Variants in CEP295NL observed in about 807,000 individuals in gnomAD.
CEP295NL encodes protein DDC8 homolog.
CEP295NL carries 3 observed loss-of-function variants against 4.6 expected under a neutral mutation model. The observed-to-expected ratio is 0.65, with a 90% confidence interval of 0.30 to 1.69. CEP295NL has a LOEUF of 1.69. CEP295NL is among the 40% of genes most tolerant of loss of function. CEP295NL has a pLI of 0.10. For synonymous variants in CEP295NL, 295 were observed against 312.2 expected (o/e 0.94, Z 0.58); for missense variants, 719 against 769.0 (o/e 0.93, Z 0.77).
chr17:78,892,078 T>C lies in CEP295NL; in HGVS notation c.426A>G (p.Gly142=), dbSNP rs1175084593. The C allele has an allele frequency of 5.2e-6, 8 of 1,551,832 alleles. No homozygotes were observed. Among genetic ancestry groups the C allele is most frequent in the Non-Finnish European group, 7.0e-6 (8 of 1,147,872 alleles). Reference sequence around the variant, plus strand: ...CAGGCTCATTTTCCCTGGCCCGTCCTCCTCCCCAGCCCAACAGACGTGCTG... The same window carrying C: ...CAGGCTCATTTTCCCTGGCCCGTCCCCCTCCCCAGCCCAACAGACGTGCTG... ...LQSARLLGWG[G]GRARENEPDS... Residue 142 remains glycine, a synonymous_variant, in exon 3 of 3, where the codon GGA becomes GGG. Transcript: ENST00000322630.
intron 2 of CEP295NL, chr17:78,900,281 C>CA (rs1247039057): frequency 6.6e-6 from 1 of 152,196 alleles, no homozygotes; most frequent in Non-Finnish European, 1.5e-5. Flanking sequence ...CGCGGTGGCT[C>CA]ACGCCTGTAA....
rs1644656880 is a variant in CEP295NL, at chr17:78,890,974, C to T, written c.1530G>A (p.Glu510=). The T allele has an allele frequency of 6.4e-7, 1 of 1,551,084 alleles. No homozygotes were observed. The highest frequency in any genetic ancestry group is 1.4e-5 in the African/African-American group (1 of 73,034). The change falls in exon 3 of 3, where the codon GAG becomes GAA. Residue 510 remains glutamate (E), a synonymous_variant. Coordinates refer to ENST00000322630, the MANE Select transcript of CEP295NL (RefSeq NM_001243540.2). ...ATTCCAGTTGTTTTTGTCTTCTCTG[C>T]TCCATCTCTGCTTTCTGCCTTTGCC... ...ASRQRQKAEM[E]QRRQKQLESL...
At position 78,894,381 on chromosome 17, in the gene CEP295NL, C is replaced by T. The variant is rs1389490685; in HGVS notation, c.45-1922G>A. Among the ~76,000 whole-genome samples the T allele has an allele frequency of 3.3e-5, 5 of 152,074 alleles. No homozygotes were observed. In the East Asian group the frequency reaches 9.7e-4, roughly 29 times the overall value. The stretch of plus-strand genomic sequence containing the variant: ...TAAGTCTTCTAGTGGGAGGTCCTTG[C>T]ACCTCTTGGTAAATCAGATCACACA... On this transcript the variant is annotated intron_variant, in intron 2 of 2. Coordinates refer to ENST00000322630, the MANE Select transcript of CEP295NL (RefSeq NM_001243540.2).
At chr17:78,894,115 C>T (rs917119712) in intron 2 of CEP295NL, among the ~76,000 whole-genome samples, 10 of 152,172 alleles carry the variant, frequency 6.6e-5, no homozygotes, top group Admixed American at 2.0e-4. Flanking sequence ...TAACATTAAC[C>T]GTGCAGGCTC....
Position 78,891,579 on chromosome 17 carries a change from C to G in CEP295NL, c.925G>C (p.Gly309Arg). 6.4e-7 allele frequency: 1 copy of G among 1,550,860 alleles called. No homozygotes were observed. Among genetic ancestry groups the G allele is most frequent in the Non-Finnish European group, 8.7e-7 (1 of 1,147,052 alleles). The change falls in exon 3 of 3, where the codon GGG (glycine) becomes CGG (arginine). Residue 309 changes from glycine to arginine, a missense_variant. Gly to Arg is a moderately radical substitution (Grantham distance 125). Coordinates refer to ENST00000322630, the MANE Select transcript of CEP295NL (RefSeq NM_001243540.2). This position sits in a 1 kb window ranked among gnomAD's most constrained non-coding sequence, Gnocchi z 4.5. ...CTGGAATCAGCTGGCCACAGCTGCC[C>G]GAGGTCTCTCAGCTTCCCCTCCAGA... The part of the protein sequence containing the change: ...QSLEGKLRDL[G>R]QLWPADSSCR...
chr17:78,891,255 C>T lies in CEP295NL; in HGVS notation c.1249G>A (p.Ala417Thr). 3.2e-6 allele frequency: 5 copies of T among 1,550,660 alleles called. No individual in the cohort carries two copies. Among genetic ancestry groups the T allele is most frequent in the East Asian group, 2.4e-5 (1 of 40,930 alleles). The change falls in exon 3 of 3, where the codon GCA becomes ACA. Residue 417 changes from alanine (A) to threonine (T), a missense_variant. By Grantham distance (58) the Ala-to-Thr change is moderately conservative. Transcript: ENST00000322630. This position sits in a 1 kb window ranked among gnomAD's most constrained non-coding sequence, Gnocchi z 4.5. ...RSPAEEEAQQ[A>T]ASKTDLKTFM... ...GTTTTCAAGTCGGTCTTGGACGCTG[C>T]CTGCTGCGCCTCCTCCTCTGCTGGG... is the stretch of plus-strand genomic sequence containing the variant.
chr17:78,890,834 G>A lies in CEP295NL; in HGVS notation c.1670C>T (p.Ser557Phe), dbSNP rs1281392600. 3 of 1,550,642 alleles carry A rather than the reference G, an allele frequency of 1.9e-6. No homozygotes were observed. The South Asian group carries it at 3.6e-5, about 18-fold the overall frequency. The change falls in exon 3 of 3, where the codon TCC (serine) becomes TTC (phenylalanine). Residue 557 changes from serine (S) to phenylalanine (F), a missense_variant. Ser to Phe is a radical substitution (Grantham distance 155, BLOSUM62 -2). Transcript: ENST00000322630. ...RARLAHLKSS[S>F]TRAQERERGS... is the part of the protein sequence containing the mutation. ...TCTCTCCCTTTCCTGGGCTCTCGTG[G>A]AGGAGGACTTCAGATGGGCCAGTCG...
chr17:78,897,546 C>T (rs1234836428), intron 2 of CEP295NL: 1 of 152,186 alleles, frequency 6.6e-6, no homozygotes, highest in African/African-American at 2.4e-5. Context: ...GTGAATCCAC[C>T]CACAGTGGGT....
At position 78,891,694 on chromosome 17, in the gene CEP295NL, C is replaced by G; in HGVS notation, c.810G>C (p.Glu270Asp). 1 of 1,551,182 alleles carries G rather than the reference C, an allele frequency of 6.4e-7. No individual in the cohort carries two copies. Among genetic ancestry groups the G allele is most frequent in the Non-Finnish European group, 8.7e-7 (1 of 1,147,134 alleles). The change falls in exon 3 of 3, where the codon GAG becomes GAC. Residue 270 changes from glutamate to aspartate, a missense_variant. By Grantham distance (45) the Glu-to-Asp change is conservative. Transcript: ENST00000322630. This position sits in a 1 kb window ranked among gnomAD's most constrained non-coding sequence, Gnocchi z 4.5. ...VGEIGLVEEK[E>D]KGTARAGRRQ... ...TCCTCCCCGCCCGAGCTGTTCCTTT[C>G]TCTTTTTCCTCCACAAGCCCGATTT...
chr17:78,891,569 C>T lies in CEP295NL; in HGVS notation c.935G>A (p.Trp312Ter). 6.4e-7 allele frequency: 1 copy of T among 1,550,874 alleles called. No homozygotes were observed. Among genetic ancestry groups the T allele is most frequent in the Non-Finnish European group, 8.7e-7 (1 of 1,147,052 alleles). The change falls in exon 3 of 3, where the codon TGG becomes TAG. Residue 312 changes from tryptophan to a stop codon, truncating the protein, a stop_gained. Coordinates refer to ENST00000322630, the MANE Select transcript of CEP295NL (RefSeq NM_001243540.2). LOFTEE classifies it low-confidence loss of function (END_TRUNC). The surrounding 1 kb of genome is among the most constrained non-coding windows in gnomAD (Gnocchi z 4.5). ...EGKLRDLGQL[W>*]PADSSCRREA... ...CCTTCTGCAGCTGGAATCAGCTGGC[C>T]ACAGCTGCCCGAGGTCTCTCAGCTT... is the stretch of plus-strand genomic sequence containing the variant.
At position 78,902,506 on chromosome 17, in the gene CEP295NL, C is replaced by T. The variant is rs552639701; in HGVS notation, c.-98-580G>A. Among the ~76,000 whole-genome samples the T allele has an allele frequency of 1.3e-4, 20 of 152,300 alleles. 1 individual carries two copies. In the South Asian group the frequency reaches 3.5e-3, roughly 27 times the overall value. The stretch of plus-strand genomic sequence containing the variant: ...TAGGCCCACAGCAGGCTTTTCCACC[C>T]GAATACTGGGGCCACAGCTCATGAA... On this transcript the variant is annotated intron_variant, in intron 1 of 2. Coordinates refer to ENST00000322630, the MANE Select transcript of CEP295NL (RefSeq NM_001243540.2).
chr17:78,892,506 AGAGTGAGCAAAGCCCTG>A, intron 2 of CEP295NL, 47 bp from the exon 3 acceptor site: 1 of 1,502,772 alleles, frequency 6.7e-7, no homozygotes, highest in Non-Finnish European at 8.9e-7. Context: ...CGCTCCCAGG[AGAGTGAGCAAAGCCCTG>A]GAGACAAGCA....
At position 78,891,156 on chromosome 17, in the gene CEP295NL, A is replaced by G. The variant is rs2069886013; in HGVS notation, c.1348T>C (p.Leu450=). Residue 450 remains leucine, a synonymous_variant, in exon 3 of 3, where the codon TTG becomes CTG. Coordinates refer to ENST00000322630, the MANE Select transcript of CEP295NL (RefSeq NM_001243540.2). The surrounding 1 kb of genome is among the most constrained non-coding windows in gnomAD (Gnocchi z 4.5). The part of the protein sequence containing the change: ...KPTFRNGSQT[L]SPEAGIFINK... Reference sequence around the variant, plus strand: ...ATAAATATACCTGCCTCGGGAGACAATGTTTGACTTCCATTTCTAAACGTG... The same window carrying G: ...ATAAATATACCTGCCTCGGGAGACAGTGTTTGACTTCCATTTCTAAACGTG... The G allele has an allele frequency of 6.4e-7, 1 of 1,550,656 alleles. No individual in the cohort carries two copies. Among genetic ancestry groups the G allele is most frequent in the Non-Finnish European group, 8.7e-7 (1 of 1,147,016 alleles).
chr17:78,892,657 G>GT, intron 2 of CEP295NL, 198 bp from the exon 3 acceptor site: 1 of 744,760 alleles, frequency 1.3e-6, no homozygotes, highest in Non-Finnish European at 2.1e-6. Context: ...ACAAGAGCCT[G>GT]TAGGGCAGCT....
rs1568000125 is a variant in CEP295NL, at chr17:78,891,929, G to A, written c.575C>T (p.Ser192Phe). The A allele has an allele frequency of 2.6e-6, 4 of 1,550,574 alleles. No individual in the cohort carries two copies. Among genetic ancestry groups the A allele is most frequent in the Non-Finnish European group, 3.5e-6 (4 of 1,146,990 alleles). The change falls in exon 3 of 3, where the codon TCC becomes TTC. Residue 192 changes from serine (S) to phenylalanine (F), a missense_variant. Transcript: ENST00000322630. The surrounding 1 kb of genome is among the most constrained non-coding windows in gnomAD (Gnocchi z 4.5). ...ACTCGCTGCTGTCTTCCGGGGCCTG[G>A]AGTGCCTGGGGTGTTGCTGGCCCAA... is the stretch of plus-strand genomic sequence containing the variant. ...EELGQQHPRH[S>F]RPRKTAASPE... is the part of the protein sequence containing the mutation.
rs1567999348 is a variant in CEP295NL at position 78,890,894 on chromosome 17, T to G, written c.1610A>C (p.Glu537Ala). 1.9e-6 allele frequency: 3 copies of G among 1,550,608 alleles called. No individual in the cohort carries two copies. The highest frequency in any genetic ancestry group is 2.7e-5 in the African/African-American group (2 of 73,052). The change falls in exon 3 of 3, where the codon GAG becomes GCG. Residue 537 changes from glutamate (E) to alanine (A), a missense_variant. Glu to Ala is a moderately radical substitution (Grantham distance 107, BLOSUM62 -1). Coordinates refer to ENST00000322630, the MANE Select transcript of CEP295NL (RefSeq NM_001243540.2). Reference sequence around the variant, plus strand: ...TTGCTCCCTCCTCTCTTTTTCTAGCTCAGCTTTGTAGTGGATTTCCAAGCT... The same window carrying G: ...TTGCTCCCTCCTCTCTTTTTCTAGCGCAGCTTTGTAGTGGATTTCCAAGCT... Reference protein sequence around the residue: ...DMSLEIHYKAELEKERREQRR... With the variant: ...DMSLEIHYKAALEKERREQRR...
intron 2 of CEP295NL, among the ~76,000 whole-genome samples, chr17:78,893,163 G>A (rs1434958598): frequency 2.7e-5 from 4 of 149,792 alleles, no homozygotes; most frequent in Non-Finnish European, 4.5e-5. Context: ...GTGCAGGGGT[G>A]TGTGTGCATA....
In CEP295NL at chr17:78,892,036, G is replaced by C; in HGVS notation, c.468C>G (p.Ile156Met). Residue 156 changes from isoleucine to methionine, a missense_variant, in exon 3 of 3, where the codon ATC (isoleucine) becomes ATG (methionine). Ile to Met is a conservative substitution (Grantham distance 10). Transcript: ENST00000322630. ...RENEPDSQGP[I>M]QRRSARPPRA... The stretch of plus-strand genomic sequence containing the variant: ...TCGGGGGCCTGGCTGATCTTCGCTG[G>C]ATGGGCCCCTGCGAGTCAGGCTCAT... 6.4e-7 allele frequency: 1 copy of C among 1,550,828 alleles called. No individual in the cohort carries two copies. The highest frequency in any genetic ancestry group is 1.2e-5 in the South Asian group (1 of 84,062).
rs1473180015 is a variant in CEP295NL, at chr17:78,892,321, T to TC, written c.182dup (p.Ala62SerfsTer9). The TC allele has an allele frequency of 1.3e-6, 2 of 1,550,498 alleles. No homozygotes were observed. The highest frequency in any genetic ancestry group is 1.7e-6 in the Non-Finnish European group (2 of 1,147,012). ...CAGGACAGAGGCTCAGCCACATGGC[T>TC]CCATCCATGTTTCTGTTCCTGTCTG... On this transcript the variant is annotated frameshift_variant, in exon 3 of 3. Transcript: ENST00000322630. LOFTEE classifies it low-confidence loss of function (END_TRUNC).
Sources: allele counts gnomAD v4.1 joint callset (sites outside exome capture counted in the v4.1 genomes callset), GRCh38; gene constraint gnomAD v4.1.1; non-coding constraint Gnocchi (gnomAD v3.1); transcripts MANE v1.5; gene names NCBI Gene and HGNC (gene_info 2026-07-23, HGNC 2026-07-21).